Variants in EFCAB13 observed in about 807,000 individuals in gnomAD.
The protein encoded by EFCAB13 is EF-hand calcium binding domain 13.
EFCAB13 carries 91 observed loss-of-function variants against 110.2 expected under a neutral mutation model. The observed-to-expected ratio is 0.83, with a 90% CI of 0.70 to 0.98. The LOEUF is 0.98. Ranked by LOEUF, EFCAB13 falls within the 50% of genes least tolerant of loss-of-function variation. The probability of loss-of-function intolerance (pLI) is 0.00; values close to 1 mark genes in which losing one functional copy is unlikely to be tolerated. For missense variants in EFCAB13, 968 were observed against 1,119.4 expected, an observed-to-expected ratio of 0.86 and a Z score of 1.93; for synonymous variants, 323 against 369.9, an observed-to-expected ratio of 0.87 and a Z score of 1.45.
intron 11 of EFCAB13, among the ~76,000 whole-genome samples, chr17:47,371,775 G>A (rs992126618): frequency 6.6e-5 from 10 of 151,938 alleles, no homozygotes; most frequent in African/African-American, 2.4e-4. Flanking sequence ...GACCATGCCC[G>A]GCTAATATTT....
chr17:47,405,355 T>G (rs1452286888), intron 20 of EFCAB13, among the ~76,000 whole-genome samples: 1 of 152,166 alleles, frequency 6.6e-6, no homozygotes, highest in Non-Finnish European at 1.5e-5. Context: ...AAAGTATTTT[T>G]AGATGTAAAA....
intron 15 of EFCAB13, among the ~76,000 whole-genome samples, chr17:47,393,749 T>TAAATAAATAAATAA (rs1297830997): frequency 7.3e-6 from 1 of 137,390 alleles, no homozygotes; most frequent in Non-Finnish European, 1.6e-5. Flanking sequence ...AATAAATAAA[T>TAAATAAATAAATAA]AAATAAAAAT....
chr17:47,418,572 G>A (rs1440126129), intron 23 of EFCAB13, among the ~76,000 whole-genome samples: 1 of 152,090 alleles, frequency 6.6e-6, no homozygotes, highest in African/African-American at 2.4e-5. Flanking sequence ...AAGCATAAAT[G>A]ATTTTGAATT....
At chr17:47,325,923 A>ATATATAT (rs2065280385) in intron 2 of EFCAB13, among the ~76,000 whole-genome samples, 34 of 102,564 alleles carry the variant, frequency 3.3e-4, no homozygotes, top group African/African-American at 1.1e-3. Flanking sequence ...ATATAAACAA[A>ATATATAT]ATATATATAT....
chr17:47,438,781 T>G (rs1323749933), intron 24 of EFCAB13, among the ~76,000 whole-genome samples: 1 of 152,162 alleles, frequency 6.6e-6, no homozygotes, highest in East Asian at 1.9e-4. Context: ...CTTCGTGAAC[T>G]CTTTTTCAGG....
At chr17:47,333,751 G>A (rs2065333633) in intron 4 of EFCAB13, among the ~76,000 whole-genome samples, 1 of 152,122 alleles carries the variant, frequency 6.6e-6, no homozygotes, top group Admixed American at 6.5e-5. Context: ...GTAAATATTT[G>A]GAAAATTTCT....
chr17:47,325,795 CT>C (rs1272897679), intron 2 of EFCAB13, among the ~76,000 whole-genome samples: 4 of 151,146 alleles, frequency 2.6e-5, no homozygotes, highest in Non-Finnish European at 4.4e-5. Context: ...ATTCCCCTCC[CT>C]GCTTTACTTT....
In EFCAB13 at chr17:47,375,102, A is replaced by C. The variant is rs534023870; in HGVS notation, c.1372+136A>C. ...CCACTTCTTTTTTTTTTAATTTTTA[A>C]ATTATTTATAGAGACAGGGTTACCC... On this transcript the variant is annotated intron_variant, in intron 12 of 24. Coordinates refer to ENST00000331493, the MANE Select transcript of EFCAB13 (RefSeq NM_152347.5). 4.6e-6 allele frequency: 5 copies of C among 1,080,740 alleles called. No individual in the cohort carries two copies. In the South Asian group the frequency reaches 1.3e-4, roughly 27 times the overall value. The allele number at this position is 1,080,740 out of a possible 1,614,324, so 66.9% of individuals were successfully genotyped here. A position where few individuals can be genotyped will look rare whatever the true frequency, so the allele number is the denominator to read the frequency against.
At chr17:47,417,830 C>T (rs1402810312) in intron 23 of EFCAB13, among the ~76,000 whole-genome samples, 1 of 152,188 alleles carries the variant, frequency 6.6e-6, no homozygotes, top group Non-Finnish European at 1.5e-5. Context: ...CCTACTGAAG[C>T]CTTTCATGTT....
intron 16 of EFCAB13, among the ~76,000 whole-genome samples, chr17:47,394,478 C>A (rs1215845564): frequency 6.6e-6 from 1 of 152,138 alleles, no homozygotes; most frequent in Non-Finnish European, 1.5e-5. Context: ...GTCCCCATTT[C>A]TTTCTATCTT....
At chr17:47,345,341 T>C (rs2065409205) in intron 8 of EFCAB13, among the ~76,000 whole-genome samples, 1 of 152,156 alleles carries the variant, frequency 6.6e-6, no homozygotes, top group Non-Finnish European at 1.5e-5. Flanking sequence ...AGTTCAAATG[T>C]ATTTTTTGGA....
chr17:47,401,752 C>T (rs989911753), intron 17 of EFCAB13, among the ~76,000 whole-genome samples: 8 of 144,608 alleles, frequency 5.5e-5, no homozygotes, highest in African/African-American at 2.1e-4. Flanking sequence ...TCAAACAATT[C>T]TGCTGCCTCA....
At chr17:47,359,784 C>A (rs1238168349) in intron 9 of EFCAB13, among the ~76,000 whole-genome samples, 2 of 104,676 alleles carry the variant, frequency 1.9e-5, no homozygotes, top group African/African-American at 3.7e-5. Flanking sequence ...CCTCCCCCCA[C>A]CCCACAACAG....
At chr17:47,334,108 C>G (rs998665177) in intron 4 of EFCAB13, among the ~76,000 whole-genome samples, 2 of 150,950 alleles carry the variant, frequency 1.3e-5, no homozygotes, top group African/African-American at 2.4e-5. Flanking sequence ...CTTCAGTTTC[C>G]TTTATCAAAG....
At chr17:47,326,039 A>G (rs1247692851) in intron 2 of EFCAB13, among the ~76,000 whole-genome samples, 187 bp from the exon 3 acceptor site, 1 of 149,806 alleles carries the variant, frequency 6.7e-6, no homozygotes, top group Non-Finnish European at 1.5e-5. Context: ...ATGCAGACAT[A>G]TACGTTGAAT....
At position 47,431,576 on chromosome 17, in the gene EFCAB13, G is replaced by A. The variant is rs189005800; in HGVS notation, c.2638+1615G>A. Among the ~76,000 whole-genome samples the A allele has an allele frequency of 2.6e-5, 4 of 151,906 alleles. No individual in the cohort carries two copies. In the East Asian group the frequency reaches 7.7e-4, roughly 29 times the overall value. On this transcript the variant is annotated intron_variant, in intron 24 of 24. Transcript: ENST00000331493. This position sits in a 1 kb window ranked among gnomAD's most constrained non-coding sequence, Gnocchi z 4.1. ...TGTTTCTTAATTTCCAAAAATTTGA[G>A]GTTTTATAGTCATTACATTATTAAT...
chr17:47,423,193 C>T (rs944437253), intron 23 of EFCAB13, among the ~76,000 whole-genome samples: 1 of 151,956 alleles, frequency 6.6e-6, no homozygotes, highest in Non-Finnish European at 1.5e-5. Context: ...AATTAGATGA[C>T]ATTATTACAT....
chr17:47,328,073 A>C, intron 3 of EFCAB13, 196 bp from the exon 4 acceptor site: 1 of 470,260 alleles, frequency 2.1e-6, no homozygotes, highest in Admixed American at 4.1e-5. Flanking sequence ...AGGTAAAGTT[A>C]AGGAATTGGA....
intron 9 of EFCAB13, among the ~76,000 whole-genome samples, chr17:47,355,608 C>G (rs1398182706): frequency 7.2e-6 from 1 of 139,600 alleles, no homozygotes; most frequent in African/African-American, 2.7e-5. Flanking sequence ...GAGTCTCGCT[C>G]TGTCACCAGG....
Sources: allele counts gnomAD v4.1 joint callset (sites outside exome capture counted in the v4.1 genomes callset), GRCh38; gene constraint gnomAD v4.1.1; non-coding constraint Gnocchi (gnomAD v3.1); transcripts MANE v1.5; gene names NCBI Gene and HGNC (gene_info 2026-07-23, HGNC 2026-07-21).